The following CDS2 variants were observed in gnomAD, a reference collection of about 807,000 sequenced individuals.
CDS2 encodes phosphatidate cytidylyltransferase 2.
A neutral mutation model predicts 59.0 loss-of-function variants in CDS2; 47 were observed. That is an observed-to-expected ratio of 0.80 (90% CI 0.63 to 1.02). The LOEUF is 1.02. Ranked by LOEUF, CDS2 falls within the 50% of genes least tolerant of loss-of-function variation. The pLI is 0.00. For synonymous variants in CDS2, 207 were observed against 206.4 expected (o/e 1.00, Z -0.02); for missense variants, 356 against 558.9 (o/e 0.64, Z 3.66).
chr20:5,167,995 A>ACT (rs2090925041), intron 1 of CDS2, among the ~76,000 whole-genome samples: 2 of 152,206 alleles, frequency 1.3e-5, no homozygotes, highest in Admixed American at 1.3e-4. Context: ...AAAAGAGAAG[A>ACT]AAAGCTGAAT....
In CDS2 at chr20:5,173,569, G is replaced by T; in HGVS notation, c.104G>T (p.Ser35Ile). The T allele has an allele frequency of 6.2e-7, 1 of 1,614,256 alleles. No homozygotes were observed. The highest frequency in any genetic ancestry group is 8.5e-7 in the Non-Finnish European group (1 of 1,180,032). ...AKVDGETASD[S>I]ESRAESAPLP... ...GTAGATGGAGAGACTGCATCGGACA[G>T]TGAGAGCCGGGCAGAATCCGCACCC... Residue 35 changes from serine (S) to isoleucine (I), a missense_variant, in exon 2 of 13, where the codon AGT (serine) becomes ATT (isoleucine). Transcript: ENST00000460006.
rs989729979 is a variant in CDS2 at position 5,191,087 on chromosome 20, C to A, written c.*853C>A. ...GAATCCTTTCTGGGGACTTTCTCAT[C>A]GGGCAGGGAGCAGAGGGCTTCTCGT... On this transcript the variant is annotated 3_prime_UTR_variant, in exon 13 of 13. Transcript: ENST00000460006. The A allele has an allele frequency of 2.0e-5, 3 of 152,644 alleles. No homozygotes were observed. Among genetic ancestry groups the A allele is most frequent in the Non-Finnish European group, 2.9e-5 (2 of 68,068 alleles). The allele number at this position is 152,644 out of a possible 1,614,324, so 9.5% of individuals were successfully genotyped here. A position where few individuals can be genotyped will look rare whatever the true frequency, so the allele number is the denominator to read the frequency against.
chr20:5,150,777 T>C (rs1008936293), intron 1 of CDS2, among the ~76,000 whole-genome samples: 1 of 152,234 alleles, frequency 6.6e-6, no homozygotes, highest in African/African-American at 2.4e-5. Context: ...GGAAATTGAC[T>C]GTCCAAACCC....
At chr20:5,177,537 T>C (rs2091003467) in intron 4 of CDS2, among the ~76,000 whole-genome samples, 1 of 152,178 alleles carries the variant, frequency 6.6e-6, no homozygotes, top group South Asian at 2.1e-4. Context: ...GAAACTCTGC[T>C]TTATTGGCCG....
intron 1 of CDS2, among the ~76,000 whole-genome samples, chr20:5,127,561 T>C (rs114092646): frequency 1.0e-3 from 157 of 152,184 alleles, no homozygotes; most frequent in African/African-American, 3.5e-3. Context: ...TACAATGTTA[T>C]TATTTTGGGG....
chr20:5,189,887 T>C (rs1437911094), intron 12 of CDS2, 49 bp downstream of exon 12: 2 of 1,485,848 alleles, frequency 1.3e-6, no homozygotes, highest in East Asian at 4.6e-5. Flanking sequence ...TTAAGTACGG[T>C]GCAATTCTAG....
intron 10 of CDS2, among the ~76,000 whole-genome samples, chr20:5,188,134 T>C (rs562061993): frequency 6.6e-5 from 10 of 152,234 alleles, no homozygotes; most frequent in Admixed American, 3.3e-4. Flanking sequence ...ATGAAATGTG[T>C]CTACATTTGG....
chr20:5,161,869 A>G (rs1306877001), intron 1 of CDS2, among the ~76,000 whole-genome samples: 1 of 152,180 alleles, frequency 6.6e-6, no homozygotes, highest in Non-Finnish European at 1.5e-5. Flanking sequence ...CCTCTAAGTA[A>G]AGTTTGACTA....
At chr20:5,189,310 C>A in intron 11 of CDS2, 124 bp downstream of exon 11, 1 of 1,032,730 alleles carries the variant, frequency 9.7e-7, no homozygotes, top group Non-Finnish European at 1.5e-6. Flanking sequence ...GTGATCTTGA[C>A]CCATGCACTG....
rs2091072604 is a variant in CDS2 at position 5,186,856 on chromosome 20, G to A, written c.981+17G>A. On this transcript the variant is annotated intron_variant, in intron 10 of 12. Coordinates refer to ENST00000460006, the MANE Select transcript of CDS2 (RefSeq NM_003818.4). ...ATTGGCTGGGTATGTGCCACTCACA[G>A]GGGGTGAGCGGCCTCCATGGACAGT... 1.9e-6 allele frequency: 3 copies of A among 1,613,390 alleles called. No individual in the cohort carries two copies. The highest frequency in any genetic ancestry group is 2.5e-6 in the Non-Finnish European group (3 of 1,179,570).
chr20:5,166,176 C>G (rs998401489), intron 1 of CDS2, among the ~76,000 whole-genome samples: 1 of 152,076 alleles, frequency 6.6e-6, no homozygotes, highest in Non-Finnish European at 1.5e-5. Flanking sequence ...ATGATGTTGG[C>G]TTGAATTAAG....
At chr20:5,161,932 A>G (rs1306375726) in intron 1 of CDS2, among the ~76,000 whole-genome samples, 1 of 152,244 alleles carries the variant, frequency 6.6e-6, no homozygotes, top group Non-Finnish European at 1.5e-5. Context: ...AAATGCCATT[A>G]GCTATTTTTG....
rs1347742193 is a variant in CDS2 at position 5,193,679 on chromosome 20, A to C, written c.*3445A>C. 1 of 152,230 alleles carries C rather than the reference A, an allele frequency of 6.6e-6. No homozygotes were observed. Among genetic ancestry groups the C allele is most frequent in the Non-Finnish European group, 1.5e-5 (1 of 68,048 alleles). The allele number at this position is 152,230 out of a possible 1,614,324, so 9.4% of individuals were successfully genotyped here. A position where few individuals can be genotyped will look rare whatever the true frequency, so the allele number is the denominator to read the frequency against. On this transcript the variant is annotated 3_prime_UTR_variant, in exon 13 of 13. Transcript: ENST00000460006. Reference sequence around the variant, plus strand: ...GCTCAGGTTCATCTCCACTATTGACAGAGTCGGGTAGTGGGAGAGTATAAG... The same window carrying C: ...GCTCAGGTTCATCTCCACTATTGACCGAGTCGGGTAGTGGGAGAGTATAAG...
rs1017946845 is a variant in CDS2, at chr20:5,192,008, C to G, written c.*1774C>G. On this transcript the variant is annotated 3_prime_UTR_variant, in exon 13 of 13. Coordinates refer to ENST00000460006, the MANE Select transcript of CDS2 (RefSeq NM_003818.4). Reference sequence around the variant, plus strand: ...GGCTCATTAAGTGAGGTCCTGGGCACCCCCCAAACAGGAAGTGTTTTCAGG... The same window carrying G: ...GGCTCATTAAGTGAGGTCCTGGGCAGCCCCCAAACAGGAAGTGTTTTCAGG... The G allele has an allele frequency of 2.0e-5, 3 of 152,108 alleles. No individual in the cohort carries two copies. Among genetic ancestry groups the G allele is most frequent in the Non-Finnish European group, 4.4e-5 (3 of 68,048 alleles). The allele number at this position is 152,108 out of a possible 1,614,324, so 9.4% of individuals were successfully genotyped here.
At chr20:5,156,937 G>C (rs930540449) in intron 1 of CDS2, among the ~76,000 whole-genome samples, 2 of 152,152 alleles carry the variant, frequency 1.3e-5, no homozygotes, top group Non-Finnish European at 1.5e-5. Context: ...TGGTCACTGT[G>C]GTCAAGGGAG....
intron 1 of CDS2, among the ~76,000 whole-genome samples, chr20:5,172,197 C>T (rs548137916): frequency 1.3e-5 from 2 of 152,258 alleles, no homozygotes; most frequent in African/African-American, 4.8e-5. Context: ...ATGTTCTTGT[C>T]TTTAAGGAGT....
At chr20:5,169,297 C>T (rs150479452) in intron 1 of CDS2, among the ~76,000 whole-genome samples, 1 of 152,300 alleles carries the variant, frequency 6.6e-6, no homozygotes, top group African/African-American at 2.4e-5. Context: ...AGAGGCAGGG[C>T]AGCCTCTCCC....
At chr20:5,162,500 C>T (rs957756438) in intron 1 of CDS2, among the ~76,000 whole-genome samples, 9 of 152,218 alleles carry the variant, frequency 5.9e-5, no homozygotes, top group African/African-American at 1.9e-4. Flanking sequence ...AGTAGTTTTA[C>T]GGACAATGTC....
intron 1 of CDS2, among the ~76,000 whole-genome samples, chr20:5,161,363 C>T (rs1365005716): frequency 6.6e-6 from 1 of 152,222 alleles, no homozygotes; most frequent in Non-Finnish European, 1.5e-5. Flanking sequence ...AAGCCACACA[C>T]AGCTGTGGCT....
Sources: gnomAD v4.1 joint callset for allele counts (sites outside exome capture counted in the v4.1 genomes callset) on GRCh38, gnomAD v4.1.1 for gene constraint, MANE v1.5 for transcripts, NCBI Gene and HGNC (gene_info 2026-07-23, HGNC 2026-07-21) for gene names.